Variants in ROCK1 observed in about 807,000 individuals in gnomAD.
ROCK1 encodes rho-associated protein kinase 1.
ROCK1 carries 36 observed loss-of-function variants against 196.8 expected under a neutral mutation model. The ratio of observed to expected loss-of-function variants is 0.18; its 90% confidence interval spans 0.14 to 0.24. The LOEUF is 0.24. ROCK1 is among the 10% of genes least tolerant of loss of function. The pLI is 1.00. For missense variants in ROCK1, 920 were observed against 1,562.0 expected, an observed-to-expected ratio of 0.59 and a Z score of 6.93; for synonymous variants, 443 against 515.9, an observed-to-expected ratio of 0.86 and a Z score of 1.91.
intron 1 of ROCK1, among the ~76,000 whole-genome samples, chr18:21,100,288 T>C (rs749507793): frequency 1.7e-4 from 25 of 151,398 alleles, no homozygotes; most frequent in Non-Finnish European, 3.1e-4. Flanking sequence ...TTTCATCCAA[T>C]AGTAAAGAGT....
At position 21,049,085 on chromosome 18, in the gene ROCK1, G is replaced by C; in HGVS notation, c.414+7C>G. The C allele has an allele frequency of 6.3e-7, 1 of 1,585,450 alleles. No individual in the cohort carries two copies. Among genetic ancestry groups the C allele is most frequent in the African/African-American group, 1.4e-5 (1 of 73,950 alleles). On this transcript the variant is annotated splice_region_variant and intron_variant, in intron 4 of 32. Coordinates refer to ENST00000399799, the MANE Select transcript of ROCK1 (RefSeq NM_005406.3). ...GCAGCAATAATGAAAGAGTAGCAAA[G>C]TCATACCTGAACAACCCAAGGACTG... is the stretch of plus-strand genomic sequence containing the variant.
intron 10 of ROCK1, among the ~76,000 whole-genome samples, chr18:21,027,384 T>C (rs2035967896): frequency 6.6e-6 from 1 of 152,202 alleles, no homozygotes; most frequent in African/African-American, 2.4e-5. Context: ...TGACAAATAA[T>C]AAGTTATCAA....
chr18:21,082,591 C>A (rs1466217260), intron 1 of ROCK1, among the ~76,000 whole-genome samples: 1 of 152,152 alleles, frequency 6.6e-6, no homozygotes, highest in Non-Finnish European at 1.5e-5. Flanking sequence ...CACATCACCT[C>A]ATTAGATACA....
intron 16 of ROCK1, among the ~76,000 whole-genome samples, chr18:21,005,855 C>G (rs2035764059): frequency 6.6e-6 from 1 of 152,004 alleles, no homozygotes; most frequent in African/African-American, 2.4e-5. Context: ...CCAGCCTGTG[C>G]AACAGAGCAA....
At chr18:21,022,879 T>C (rs1293673530) in intron 11 of ROCK1, among the ~76,000 whole-genome samples, 4 of 152,244 alleles carry the variant, frequency 2.6e-5, no homozygotes, top group East Asian at 3.9e-4. Context: ...TGTGTATATA[T>C]ATGTATGCAA....
intron 22 of ROCK1, among the ~76,000 whole-genome samples, chr18:20,972,741 T>G (rs1191296930): frequency 6.6e-6 from 1 of 152,194 alleles, no homozygotes; most frequent in South Asian, 2.1e-4. Context: ...GAAGAGTTGT[T>G]CTGTTAGCAT....
Position 20,959,963 on chromosome 18 carries a change from G to C in ROCK1, c.3424-35C>G, listed in dbSNP as rs764214571. 2.2e-6 allele frequency: 3 copies of C among 1,340,076 alleles called. No individual in the cohort carries two copies. In the South Asian group the frequency reaches 3.6e-5, roughly 16 times the overall value. 83.0% of individuals were successfully genotyped at this position (1,340,076 alleles called of 1,614,324 possible). A position where few individuals can be genotyped will look rare whatever the true frequency, so the allele number is the denominator to read the frequency against. On this transcript the variant is annotated intron_variant, in intron 28 of 32. Transcript: ENST00000399799. Reference sequence around the variant, plus strand: ...GAAAAAGGGGGGAAGAGTTACAAGAGCAACATTAACTTGGTTTAAAGTGAT... The same window carrying C: ...GAAAAAGGGGGGAAGAGTTACAAGACCAACATTAACTTGGTTTAAAGTGAT...
intron 29 of ROCK1, among the ~76,000 whole-genome samples, chr18:20,958,942 A>AATAATATATATATTTTAT (rs1302952447): frequency 2.1e-5 from 2 of 93,998 alleles, no homozygotes; most frequent in Non-Finnish European, 3.8e-5. Flanking sequence ...TTATATAAAA[A>AATAATATATATATTTTAT]ATAATATATA....
intron 1 of ROCK1, among the ~76,000 whole-genome samples, chr18:21,097,301 T>G (rs2036620729): frequency 6.6e-6 from 1 of 152,122 alleles, no homozygotes; most frequent in Non-Finnish European, 1.5e-5. Flanking sequence ...AGTGCAGCAG[T>G]AACAAAAAGT....
At chr18:21,107,859 G>C (rs1230135478) in intron 1 of ROCK1, among the ~76,000 whole-genome samples, 1 of 152,098 alleles carries the variant, frequency 6.6e-6, no homozygotes, top group African/African-American at 2.4e-5. Flanking sequence ...TACAAGACCA[G>C]CCTGGCCAAC....
chr18:21,023,635 A>G lies in ROCK1; in HGVS notation c.1257T>C (p.Asn419=). 3 of 1,568,552 alleles carry G rather than the reference A, an allele frequency of 1.9e-6. No homozygotes were observed. Among genetic ancestry groups the G allele is most frequent in the South Asian group, 1.2e-5 (1 of 84,244 alleles). Residue 419 remains asparagine, a synonymous_variant, in exon 11 of 33, where the codon AAT becomes AAC. Transcript: ENST00000399799. Reference sequence around the variant, plus strand: ...AAATACCTACCAAGCTTTTATCTGCATTGGAGCTAGTTCTGTTATCATTAG... The same window carrying G: ...AAATACCTACCAAGCTTTTATCTGCGTTGGAGCTAGTTCTGTTATCATTAG... The part of the protein sequence containing the change: ...ANPNDNRTSS[N]ADKSLQESLQ...
intron 18 of ROCK1, among the ~76,000 whole-genome samples, chr18:20,989,930 C>T (rs75599491): frequency 0.011 from 1,744 of 152,074 alleles, 18 homozygotes; most frequent in Middle Eastern, 0.034. Flanking sequence ...GGAGAAGAAA[C>T]TTATGACCGA....
intron 1 of ROCK1, among the ~76,000 whole-genome samples, chr18:21,084,440 TG>T (rs2036508850): frequency 1.3e-5 from 2 of 152,122 alleles, no homozygotes; most frequent in South Asian, 4.2e-4. Flanking sequence ...AATTTTAAAA[TG>T]GGCAAAAACT....
intron 2 of ROCK1, among the ~76,000 whole-genome samples, chr18:21,052,009 G>C (rs1409290062): frequency 6.6e-6 from 1 of 152,198 alleles, no homozygotes; most frequent in African/African-American, 2.4e-5. Flanking sequence ...CCAGATGAGA[G>C]AGAAAGTTCT....
intron 16 of ROCK1, among the ~76,000 whole-genome samples, chr18:20,997,823 C>A (rs553691779): frequency 2.0e-4 from 29 of 148,174 alleles, no homozygotes; most frequent in African/African-American, 7.5e-4. Flanking sequence ...AACTAGAAAT[C>A]AACAACAAGT....
intron 1 of ROCK1, among the ~76,000 whole-genome samples, chr18:21,082,572 G>T (rs1472695565): frequency 6.6e-6 from 1 of 151,958 alleles, no homozygotes; most frequent in Non-Finnish European, 1.5e-5. Context: ...TAGAATAAAG[G>T]ACAAAAACCA....
intron 1 of ROCK1, among the ~76,000 whole-genome samples, chr18:21,098,098 A>G (rs1237537871): frequency 1.3e-5 from 2 of 152,208 alleles, no homozygotes; most frequent in Non-Finnish European, 2.9e-5. Context: ...CCTAAAAAAC[A>G]CCCATGTGCT....
intron 27 of ROCK1, 23 bp from the exon 28 acceptor site, chr18:20,960,229 A>C: frequency 5.9e-6 from 8 of 1,352,876 alleles, no homozygotes; most frequent in Non-Finnish European, 8.5e-6. Flanking sequence ...GAATATATGT[A>C]TTAGTCAGTC....
chr18:21,049,848 G>A lies in ROCK1; in HGVS notation c.208C>T (p.Arg70Ter). The change falls in exon 3 of 33, where the codon CGA becomes TGA. Residue 70 changes from arginine (R) to a stop codon, truncating the protein, a stop_gained. Coordinates refer to ENST00000399799, the MANE Select transcript of ROCK1 (RefSeq NM_005406.3). LOFTEE classifies it high-confidence loss of function. ...ACTTCATAATCTTCAGCTTTCATTC[G>A]TAAATCTCTGATTTTATTTATTGTG... ...KDTINKIRDL[R>*]MKAEDYEVVK... is the part of the protein sequence containing the mutation. 2 of 1,603,922 alleles carry A rather than the reference G, an allele frequency of 1.2e-6. No homozygotes were observed. Among genetic ancestry groups the A allele is most frequent in the Non-Finnish European group, 1.7e-6 (2 of 1,174,134 alleles).
Sources: gnomAD v4.1 joint callset for allele counts (sites outside exome capture counted in the v4.1 genomes callset) on GRCh38, gnomAD v4.1.1 for gene constraint, MANE v1.5 for transcripts, NCBI Gene and HGNC (gene_info 2026-07-23, HGNC 2026-07-21) for gene names.